The following DENND3 variants were observed in gnomAD, a reference collection of about 807,000 sequenced individuals.
DENND3 encodes the protein DENN domain containing 3.
Under a neutral mutation model 135.1 loss-of-function variants are expected in DENND3, and 88 were observed. That is an observed-to-expected ratio of 0.65 (90% CI 0.55 to 0.78). The LOEUF is 0.78. Ranked by LOEUF, DENND3 falls within the 30% of genes least tolerant of loss-of-function variation. The pLI is 0.00. For missense variants in DENND3, 1,392 were observed against 1,688.4 expected, an observed-to-expected ratio of 0.82 and a Z score of 3.08; for synonymous variants, 693 against 712.3, an observed-to-expected ratio of 0.97 and a Z score of 0.43.
At position 141,192,290 on chromosome 8, in the gene DENND3, A is replaced by G. The variant is rs181100576; in HGVS notation, c.3380-41A>G. Reference sequence around the variant, plus strand: ...CTGGTGCTGGCGTCTTATGTTGCCAATGACACTGCCTGGCCCCATCCTAGC... The same window carrying G: ...CTGGTGCTGGCGTCTTATGTTGCCAGTGACACTGCCTGGCCCCATCCTAGC... On this transcript the variant is annotated intron_variant, in intron 20 of 22. Transcript: ENST00000519811. The G allele has an allele frequency of 4.2e-4, 677 of 1,608,170 alleles. 3 individuals are homozygous for G. In the African/African-American group the frequency reaches 7.9e-3, roughly 19 times the overall value.
chr8:141,146,442 T>C lies in DENND3; in HGVS notation c.735+2183T>C, dbSNP rs1457413421. On this transcript the variant is annotated intron_variant, in intron 5 of 22. Transcript: ENST00000519811. This position sits in a 1 kb window ranked among gnomAD's most constrained non-coding sequence, Gnocchi z 4.3. The stretch of plus-strand genomic sequence containing the variant: ...CTGTTTGACTCAGCATGTTCCAAAC[T>C]AATTTTAACTGTACTTAGGATGCTG... Among the ~76,000 whole-genome samples, 1 of 152,250 alleles carries C rather than the reference T, an allele frequency of 6.6e-6. No individual in the cohort carries two copies. Among genetic ancestry groups the C allele is most frequent in the African/African-American group, 2.4e-5 (1 of 41,462 alleles).
At position 141,138,277 on chromosome 8, in the gene DENND3, C is replaced by G. The variant is rs1817019111; in HGVS notation, c.501+140C>G. On this transcript the variant is annotated intron_variant, in intron 3 of 22. Transcript: ENST00000519811. The surrounding 1 kb of genome is among the most constrained non-coding windows in gnomAD (Gnocchi z 4.8). ...CATTAAGTACATTCACAGCATTGTGCAACCACCACCAATGTCTAGGTCCAA... is the reference window on the plus strand; with the variant it reads ...CATTAAGTACATTCACAGCATTGTGGAACCACCACCAATGTCTAGGTCCAA... The G allele has an allele frequency of 1.1e-6, 1 of 885,994 alleles. No homozygotes were observed. The highest frequency in any genetic ancestry group is 2.7e-5 in the East Asian group (1 of 37,238). 54.9% of individuals were successfully genotyped at this position (885,994 alleles called of 1,614,324 possible).
In DENND3 at chr8:141,165,854, T is replaced by C. The variant is rs574291287; in HGVS notation, c.1554-336T>C. On this transcript the variant is annotated intron_variant, in intron 11 of 22. Transcript: ENST00000519811. ...GCCCTTGCGTCTTCCTCGGTGCTGC[T>C]CTCTCTCATCTCCTTTCTCTCTTCC... Among the ~76,000 whole-genome samples, 15 of 152,174 alleles carry C rather than the reference T, an allele frequency of 9.9e-5. No homozygotes were observed. The East Asian group carries it at 2.9e-3, about 29-fold the overall frequency.
In DENND3 at chr8:141,165,202, T is replaced by C. The variant is rs758848999; in HGVS notation, c.1466T>C (p.Met489Thr). The change falls in exon 11 of 23, where the codon ATG (methionine) becomes ACG (threonine). Residue 489 changes from methionine to threonine, a missense_variant. Coordinates refer to ENST00000519811, the MANE Select transcript of DENND3 (RefSeq NM_001352890.3). ...QFYKQVLDTY[M>T]FHSFLKARLN... Reference sequence around the variant, plus strand: ...CTTTTCCAGGTCTTAGACACCTACATGTTCCATTCTTTTCTTAAAGCCCGG... The same window carrying C: ...CTTTTCCAGGTCTTAGACACCTACACGTTCCATTCTTTTCTTAAAGCCCGG... 12 of 1,613,996 alleles carry C rather than the reference T, an allele frequency of 7.4e-6. No homozygotes were observed. The highest frequency in any genetic ancestry group is 1.0e-5 in the Non-Finnish European group (12 of 1,179,962).
At chr8:141,159,277 A>G (rs1819833179) in intron 8 of DENND3, among the ~76,000 whole-genome samples, 2 of 152,174 alleles carry the variant, frequency 1.3e-5, no homozygotes. Context: ...AGGGTCAGGC[A>G]GCGGCAGGGG....
intron 4 of DENND3, among the ~76,000 whole-genome samples, chr8:141,143,660 A>T (rs1437939277): frequency 6.6e-6 from 1 of 151,888 alleles, no homozygotes; most frequent in African/African-American, 2.4e-5. Context: ...CCCACCTTGG[A>T]CTCCCAAGGT....
chr8:141,150,122 G>A (rs1937710454), intron 5 of DENND3, among the ~76,000 whole-genome samples: 1 of 152,196 alleles, frequency 6.6e-6, no homozygotes, highest in African/African-American at 2.4e-5. Context: ...CTCGTTTCCT[G>A]GAGCTTTGGG....
intron 22 of DENND3, chr8:141,192,990 G>A (rs1238520330): frequency 8.9e-6 from 9 of 1,014,404 alleles, no homozygotes; most frequent in African/African-American, 1.7e-5. Context: ...CGGGGGCTCG[G>A]GGGGAGCGTG....
chr8:141,174,947 C>T lies in DENND3; in HGVS notation c.2276-253C>T, dbSNP rs778607520. Among the ~76,000 whole-genome samples the T allele has an allele frequency of 5.3e-5, 8 of 152,214 alleles. No individual in the cohort carries two copies. Among genetic ancestry groups the T allele is most frequent in the Non-Finnish European group, 7.4e-5 (5 of 68,022 alleles). On this transcript the variant is annotated intron_variant, in intron 13 of 22. Transcript: ENST00000519811. The surrounding 1 kb of genome is among the most constrained non-coding windows in gnomAD (Gnocchi z 4.6). Reference sequence around the variant, plus strand: ...CCTGAAGCAGGTCCCGTGGCCATCCCAGAGCGGGCGGCTGGAAAGGGCTGC... The same window carrying T: ...CCTGAAGCAGGTCCCGTGGCCATCCTAGAGCGGGCGGCTGGAAAGGGCTGC...
intron 18 of DENND3, 171 bp from the exon 19 acceptor site, chr8:141,188,815 T>A: frequency 2.7e-6 from 2 of 734,940 alleles, no homozygotes; most frequent in Non-Finnish European, 2.2e-6. Flanking sequence ...TATGCACTGA[T>A]GGGTGGATGA....
At chr8:141,162,294 T>C (rs928240407) in intron 9 of DENND3, among the ~76,000 whole-genome samples, 3 of 152,306 alleles carry the variant, frequency 2.0e-5, no homozygotes, top group East Asian at 1.9e-4. Flanking sequence ...TTTTTTTAAT[T>C]TCTTAATATT....
intron 16 of DENND3, among the ~76,000 whole-genome samples, chr8:141,179,386 G>A (rs1188412895): frequency 6.6e-6 from 1 of 152,224 alleles, no homozygotes; most frequent in Non-Finnish European, 1.5e-5. Flanking sequence ...TCTGTCGGGC[G>A]TTTACAGGAA....
intron 1 of DENND3, among the ~76,000 whole-genome samples, chr8:141,131,573 G>C (rs1201585345): frequency 1.3e-5 from 2 of 152,168 alleles, no homozygotes; most frequent in African/African-American, 4.8e-5. Context: ...AAGAAACTGG[G>C]TTTAAAATTT....
rs777221172 is a variant in DENND3 at position 141,180,813 on chromosome 8, A to G, written c.2903A>G (p.Glu968Gly). Reference sequence around the variant, plus strand: ...CATAAAATCAACCCCTCGGCGGGGGAGGCGTTCCCACAAGCGGTGGACGTG... The same window carrying G: ...CATAAAATCAACCCCTCGGCGGGGGGGGCGTTCCCACAAGCGGTGGACGTG... ...LKHKINPSAGEAFPQAVDVLL... is the reference protein window; with the variant it reads ...LKHKINPSAGGAFPQAVDVLL... Residue 968 changes from glutamate (E) to glycine (G), a missense_variant, in exon 17 of 23, where the codon GAG becomes GGG. Physicochemically the swap from Glu to Gly is moderately conservative, Grantham distance 98. Transcript: ENST00000519811. 1.4e-4 allele frequency: 223 copies of G among 1,612,874 alleles called. 1 individual carries two copies. Among genetic ancestry groups the G allele is most frequent in the Admixed American group, 2.2e-4 (13 of 59,890 alleles).
chr8:141,188,690 G>A, intron 18 of DENND3: 1 of 342,204 alleles, frequency 2.9e-6, no homozygotes, highest in Non-Finnish European at 5.3e-6. Context: ...GCATGTGTGA[G>A]ATGAGCTTGG....
rs773494985 is a variant in DENND3, at chr8:141,168,373, C to T, written c.2123C>T (p.Pro708Leu). The T allele has an allele frequency of 8.1e-6, 13 of 1,613,754 alleles. No individual in the cohort carries two copies. Among genetic ancestry groups the T allele is most frequent in the South Asian group, 5.5e-5 (5 of 91,086 alleles). ...MRLISEILDK[P>L]HEASKLDDHV... The stretch of plus-strand genomic sequence containing the variant: ...CTCATCAGCGAGATCCTGGACAAGC[C>T]GCACGAGGCCTCGAAGCTGGACGAC... The change falls in exon 13 of 23, where the codon CCG (proline) becomes CTG (leucine). Residue 708 changes from proline (P) to leucine (L), a missense_variant. Physicochemically the swap from Pro to Leu is moderately conservative, Grantham distance 98. Transcript: ENST00000519811. The surrounding 1 kb of genome is among the most constrained non-coding windows in gnomAD (Gnocchi z 6.2).
chr8:141,176,940 C>T, intron 15 of DENND3, 179 bp downstream of exon 15: 4 of 678,112 alleles, frequency 5.9e-6, no homozygotes, highest in Non-Finnish European at 9.7e-6. Flanking sequence ...GTCTGTGTGA[C>T]CCAGCGAGAG....
intron 9 of DENND3, among the ~76,000 whole-genome samples, chr8:141,162,406 G>T (rs1242389771): frequency 6.6e-6 from 1 of 151,950 alleles, no homozygotes; most frequent in Non-Finnish European, 1.5e-5. Context: ...ACCAGCCTGG[G>T]CAACATAGCA....
chr8:141,132,144 C>T (rs1816193911), intron 1 of DENND3, among the ~76,000 whole-genome samples: 1 of 152,070 alleles, frequency 6.6e-6, no homozygotes, highest in South Asian at 2.1e-4. Context: ...ACAGGGAGGT[C>T]AGCCACATGA....
Sources: allele counts gnomAD v4.1 joint callset (sites outside exome capture counted in the v4.1 genomes callset), GRCh38; gene constraint gnomAD v4.1.1; non-coding constraint Gnocchi (gnomAD v3.1); transcripts MANE v1.5; gene names NCBI Gene and HGNC (gene_info 2026-07-23, HGNC 2026-07-21).